Variants in SPAG16 observed in about 807,000 individuals in gnomAD.
The protein encoded by SPAG16 is sperm associated antigen 16, also known as sperm-associated antigen 16 protein.
Under a neutral mutation model 80.4 loss-of-function variants are expected in SPAG16, and 86 were observed. The ratio of observed to expected loss-of-function variants is 1.07; its 90% CI spans 0.90 to 1.28. The LOEUF is 1.28. Ranked by LOEUF, SPAG16 falls within the 50% of genes most tolerant of loss-of-function variation. SPAG16 has a pLI of 0.00. For missense variants in SPAG16, 870 were observed against 765.3 expected, an observed-to-expected ratio of 1.14 and a Z score of -1.61; for synonymous variants, 294 against 265.9, an observed-to-expected ratio of 1.11 and a Z score of -1.03.
chr2:214,276,024 A>G (rs930341066), intron 15 of SPAG16, among the ~76,000 whole-genome samples: 4 of 152,176 alleles, frequency 2.6e-5, no homozygotes, highest in Non-Finnish European at 5.9e-5. Flanking sequence ...TTCTTGTTGA[A>G]TTGATCCCTT....
At chr2:213,579,519 C>T (rs2060232848) in intron 10 of SPAG16, among the ~76,000 whole-genome samples, 2 of 152,092 alleles carry the variant, frequency 1.3e-5, no homozygotes, top group Admixed American at 1.3e-4. Flanking sequence ...AAAATAAGTG[C>T]ACTCTCCTTG....
chr2:213,836,176 GC>G (rs34179878), intron 10 of SPAG16, among the ~76,000 whole-genome samples: 52,476 of 128,362 alleles, frequency 0.41, 10,364 homozygotes, highest in East Asian at 0.52. Flanking sequence ...TTCATTATTC[GC>G]CCCCCCCCCC....
At chr2:213,520,134 G>T (rs561395609) in intron 10 of SPAG16, among the ~76,000 whole-genome samples, 1 of 152,164 alleles carries the variant, frequency 6.6e-6, no homozygotes, top group African/African-American at 2.4e-5. Flanking sequence ...CAGAGGCAGA[G>T]ATTGGAGTTA....
chr2:213,750,392 T>C (rs1250672526), intron 10 of SPAG16, among the ~76,000 whole-genome samples: 1 of 152,262 alleles, frequency 6.6e-6, no homozygotes, highest in East Asian at 1.9e-4. Flanking sequence ...CATACCTTTA[T>C]GTTATCTGCT....
At chr2:213,327,197 A>T (rs1309083997) in intron 5 of SPAG16, among the ~76,000 whole-genome samples, 1 of 151,448 alleles carries the variant, frequency 6.6e-6, no homozygotes, top group Non-Finnish European at 1.5e-5. Context: ...TGCTCTACTA[A>T]TGTGATGAGG....
intron 15 of SPAG16, among the ~76,000 whole-genome samples, chr2:214,310,490 TTGTTTTGTTTTTGG>T (rs1695218685): frequency 7.3e-6 from 1 of 136,766 alleles, no homozygotes; most frequent in African/African-American, 3.7e-5. Flanking sequence ...GTTTTGGTTT[TTGTTTTGTTTTTGG>T]TGAAGTTTGG....
chr2:213,563,498 T>C (rs1409401489), intron 10 of SPAG16, among the ~76,000 whole-genome samples: 1 of 152,236 alleles, frequency 6.6e-6, no homozygotes, highest in African/African-American at 2.4e-5. Flanking sequence ...CAGAACTCTC[T>C]TTCTGGCTTG....
Position 213,333,769 on chromosome 2 carries a change from T to C in SPAG16, c.537-6394T>C, listed in dbSNP as rs189234463. The stretch of plus-strand genomic sequence containing the variant: ...ACTGTGGAAAAGGCAGTCTCTTCAA[T>C]AAATGGTGCTGGGAAAACTGGATAT... On this transcript the variant is annotated intron_variant, in intron 5 of 15. Transcript: ENST00000331683. Among the ~76,000 whole-genome samples, 25 of 152,202 alleles carry C rather than the reference T, an allele frequency of 1.6e-4. 1 individual carries two copies. The highest frequency in any genetic ancestry group is 1.3e-3 in the Admixed American group (20 of 15,290).
chr2:213,418,507 A>C (rs1348819181), intron 9 of SPAG16, among the ~76,000 whole-genome samples: 1 of 152,152 alleles, frequency 6.6e-6, no homozygotes, highest in Non-Finnish European at 1.5e-5. Context: ...TTTGATTCAA[A>C]GAGCTGTTTG....
chr2:214,036,240 C>G (rs1016154564), intron 13 of SPAG16, among the ~76,000 whole-genome samples: 2 of 152,170 alleles, frequency 1.3e-5, no homozygotes, highest in Admixed American at 1.3e-4. Context: ...TTCAAGTAGG[C>G]CACAGTTGCC....
intron 10 of SPAG16, among the ~76,000 whole-genome samples, chr2:213,501,032 AT>A (rs2074719553): frequency 6.6e-6 from 1 of 152,210 alleles, no homozygotes; most frequent in Non-Finnish European, 1.5e-5. Flanking sequence ...TATATTTCTA[AT>A]CTCCTATCCA....
intron 9 of SPAG16, among the ~76,000 whole-genome samples, chr2:213,388,936 G>C (rs1320277500): frequency 6.6e-6 from 1 of 152,148 alleles, no homozygotes; most frequent in African/African-American, 2.4e-5. Flanking sequence ...GTTTCGTATA[G>C]TCTCAAGGGA....
intron 11 of SPAG16, among the ~76,000 whole-genome samples, chr2:213,878,314 C>A (rs958083358): frequency 2.0e-5 from 3 of 152,058 alleles, no homozygotes; most frequent in Non-Finnish European, 4.4e-5. Context: ...ATAAGCATTT[C>A]TTTTCCTTCT....
intron 13 of SPAG16, among the ~76,000 whole-genome samples, chr2:214,028,834 A>G (rs573838160): frequency 4.6e-5 from 7 of 152,196 alleles, no homozygotes; most frequent in African/African-American, 1.7e-4. Flanking sequence ...ATTGCATTCA[A>G]TACTATATTT....
intron 10 of SPAG16, among the ~76,000 whole-genome samples, chr2:213,581,581 C>T (rs1444142047): frequency 6.6e-6 from 1 of 152,054 alleles, no homozygotes; most frequent in African/African-American, 2.4e-5. Context: ...GTTGCTCTCA[C>T]TCTCAGGTCC....
At chr2:214,087,819 G>A (rs1332251199) in intron 13 of SPAG16, among the ~76,000 whole-genome samples, 2 of 151,922 alleles carry the variant, frequency 1.3e-5, no homozygotes, top group African/African-American at 4.8e-5. Context: ...GACAAATCTT[G>A]CCCTTTTTTG....
rs1701653481 is a variant in SPAG16 at position 214,400,623 on chromosome 2, T to C, written c.1721-9517T>C. On this transcript the variant is annotated intron_variant, in intron 15 of 15. Coordinates refer to ENST00000331683, the MANE Select transcript of SPAG16 (RefSeq NM_024532.5). ...CCCATAGATACAGAGGAGCAACTTA[T>C]ATTTGTTTAAAACCATTTTTGGCAA... Among the ~76,000 whole-genome samples the C allele has an allele frequency of 2.6e-5, 4 of 152,136 alleles. No individual in the cohort carries two copies. In the South Asian group the frequency reaches 8.3e-4, roughly 31 times the overall value.
intron 10 of SPAG16, among the ~76,000 whole-genome samples, chr2:213,804,051 G>A (rs1323297603): frequency 6.6e-6 from 1 of 152,004 alleles, no homozygotes. Flanking sequence ...TAGTTTCTTT[G>A]TCAGTATTGA....
intron 15 of SPAG16, among the ~76,000 whole-genome samples, chr2:214,259,351 A>C (rs1213618691): frequency 6.6e-6 from 1 of 150,970 alleles, no homozygotes; most frequent in Non-Finnish European, 1.5e-5. Context: ...CAGAAAAAAA[A>C]TACATATATA....
Sources: allele counts gnomAD v4.1 joint callset (sites outside exome capture counted in the v4.1 genomes callset), GRCh38; gene constraint gnomAD v4.1.1; transcripts MANE v1.5; gene names NCBI Gene and HGNC (gene_info 2026-07-23, HGNC 2026-07-21).